Variants in SOX6 observed in about 807,000 individuals in gnomAD.
SOX6 encodes SRY-box transcription factor 6.
A neutral mutation model predicts 97.8 loss-of-function variants in SOX6; 11 were observed. The ratio of observed to expected loss-of-function variants is 0.11; its 90% CI spans 0.07 to 0.19. SOX6 has a LOEUF of 0.19. SOX6 is among the 10% of genes least tolerant of loss of function. The pLI is 1.00. For missense variants in SOX6, 810 were observed against 1,039.5 expected (o/e 0.78, Z 3.04); for synonymous variants, 360 against 371.4 (o/e 0.97, Z 0.35).
chr11:15,984,853 G>A (rs753619801), intron 15 of SOX6, among the ~76,000 whole-genome samples: 1 of 152,144 alleles, frequency 6.6e-6, no homozygotes, highest in Non-Finnish European at 1.5e-5. Context: ...TAATGATAAT[G>A]CTAGAGTTCA....
At chr11:16,481,210 T>C (rs1860340073), upstream of SOX6, among the ~76,000 whole-genome samples, 1 of 152,138 alleles carries the variant, frequency 6.6e-6, no homozygotes, top group African/African-American at 2.4e-5. Flanking sequence ...TTAGTTTTCT[T>C]TTTCCTTAAT....
intron 3 of SOX6, among the ~76,000 whole-genome samples, chr11:16,676,906 T>A (rs551799487): frequency 2.6e-5 from 4 of 152,022 alleles, no homozygotes; most frequent in South Asian, 4.2e-4. Context: ...TAGTATGCAC[T>A]CAGTCCTGGG....
chr11:16,364,160 G>A (rs909623265), intron 1 of SOX6, among the ~76,000 whole-genome samples: 3 of 151,944 alleles, frequency 2.0e-5, no homozygotes, highest in Non-Finnish European at 4.4e-5. Context: ...TTCCAGTTGG[G>A]CTAAAAAATT....
chr11:16,407,262 T>C (rs1590191596), intron 1 of SOX6, among the ~76,000 whole-genome samples: 1 of 152,214 alleles, frequency 6.6e-6, no homozygotes, highest in Non-Finnish European at 1.5e-5. Context: ...AATAGCAGTG[T>C]TTAAAACTAA....
At chr11:16,346,666 G>T (rs1250760445) in intron 1 of SOX6, among the ~76,000 whole-genome samples, 2 of 151,990 alleles carry the variant, frequency 1.3e-5, no homozygotes, top group Non-Finnish European at 2.9e-5. Context: ...AATTACCTTG[G>T]AAAGTTATAA....
At chr11:16,070,023 C>T (rs931410293) in intron 9 of SOX6, among the ~76,000 whole-genome samples, 20 of 151,976 alleles carry the variant, frequency 1.3e-4, no homozygotes, top group African/African-American at 1.9e-4. Context: ...GGCGTGGTGG[C>T]GGGCGCCTGT....
intron 6 of SOX6, among the ~76,000 whole-genome samples, chr11:16,162,034 A>T (rs373922542): frequency 6.6e-6 from 1 of 152,186 alleles, no homozygotes; most frequent in East Asian, 1.9e-4. Flanking sequence ...CAAGTCTTTC[A>T]ATTTTTACAT....
intron 1 of SOX6, among the ~76,000 whole-genome samples, chr11:16,471,374 C>T (rs1860139978): frequency 6.6e-6 from 1 of 152,094 alleles, no homozygotes; most frequent in African/African-American, 2.4e-5. Flanking sequence ...GCTAAGATTC[C>T]AGTCAGTTCT....
chr11:16,571,030 A>G (rs892448363), intron 4 of SOX6, among the ~76,000 whole-genome samples: 2 of 152,218 alleles, frequency 1.3e-5, no homozygotes, highest in Non-Finnish European at 2.9e-5. Context: ...TTTAAAGGAA[A>G]AATATTTAAT....
chr11:16,044,395 A>G (rs1855765528), intron 12 of SOX6, among the ~76,000 whole-genome samples: 1 of 152,242 alleles, frequency 6.6e-6, no homozygotes, highest in South Asian at 2.1e-4. Context: ...TCCAACGTGA[A>G]TAACTTTGAA....
chr11:16,573,785 C>G (rs1847959162), intron 4 of SOX6, among the ~76,000 whole-genome samples: 1 of 152,090 alleles, frequency 6.6e-6, no homozygotes, highest in South Asian at 2.1e-4. Context: ...TAATATTTGA[C>G]CAAATGTCTT....
intron 3 of SOX6, among the ~76,000 whole-genome samples, chr11:16,681,342 C>T (rs535731620): frequency 2.0e-5 from 3 of 152,286 alleles, no homozygotes; most frequent in Middle Eastern, 3.4e-3. Context: ...AACTGAACAA[C>T]GTGCTTCTGA....
chr11:16,210,295 T>C (rs1313556320), intron 4 of SOX6, among the ~76,000 whole-genome samples: 1 of 152,144 alleles, frequency 6.6e-6, no homozygotes, highest in South Asian at 2.1e-4. Context: ...GAGTGTAATA[T>C]CATGTGGCAA....
chr11:16,471,275 A>G (rs1860137844), intron 1 of SOX6, among the ~76,000 whole-genome samples: 1 of 152,166 alleles, frequency 6.6e-6, no homozygotes, highest in Admixed American at 6.5e-5. Context: ...AAGAGAAAAA[A>G]AACACTAGAA....
intron 2 of SOX6, among the ~76,000 whole-genome samples, chr11:16,336,103 G>T (rs1175228481): frequency 6.6e-6 from 1 of 152,164 alleles, no homozygotes; most frequent in Non-Finnish European, 1.5e-5. Context: ...GTAGTTAAAA[G>T]CCACATGTAT....
chr11:16,390,887 G>A (rs902330419), intron 1 of SOX6, among the ~76,000 whole-genome samples: 1 of 152,142 alleles, frequency 6.6e-6, no homozygotes, highest in Admixed American at 6.5e-5. Flanking sequence ...AAAGACACAT[G>A]CACATGTATG....
intron 4 of SOX6, among the ~76,000 whole-genome samples, chr11:16,187,781 A>C (rs778071140): frequency 2.0e-5 from 3 of 152,218 alleles, no homozygotes; most frequent in Admixed American, 1.3e-4. Flanking sequence ...CAAATTGCAC[A>C]GCTCTCCTAA....
rs141519729 is a variant in SOX6, at chr11:16,281,043, T to C, written c.445+37403A>G. On this transcript the variant is annotated intron_variant, in intron 3 of 15. Transcript: ENST00000683767. ...CTGAAAGAGTCAGCCCTCAACAAAGTAGGACAGTAGAAAGAGGATAAACTT... is the reference window on the plus strand; with the variant it reads ...CTGAAAGAGTCAGCCCTCAACAAAGCAGGACAGTAGAAAGAGGATAAACTT... Among the ~76,000 whole-genome samples, 10 of 152,156 alleles carry C rather than the reference T, an allele frequency of 6.6e-5. No homozygotes were observed. In the East Asian group the frequency reaches 1.9e-3, roughly 29 times the overall value.
chr11:16,210,478 G>A (rs1852190549), intron 4 of SOX6, among the ~76,000 whole-genome samples: 1 of 152,142 alleles, frequency 6.6e-6, no homozygotes, highest in Non-Finnish European at 1.5e-5. Context: ...GTTTAGGGGT[G>A]GGGAGTTGTG....
Sources: gnomAD v4.1 joint callset for allele counts (sites outside exome capture counted in the v4.1 genomes callset) on GRCh38, gnomAD v4.1.1 for gene constraint, MANE v1.5 for transcripts, NCBI Gene and HGNC (gene_info 2026-07-23, HGNC 2026-07-21) for gene names.